AFG2A: variants seen among roughly 807,000 people sequenced by gnomAD.
AFG2A encodes AAA ATPase AFG2A.
At chr4:123,206,311 G>A in the AFG2A span, among the ~76,000 whole-genome samples, 2 of 151,944 alleles carry the variant, frequency 1.3e-5, no homozygotes, top group South Asian at 2.1e-4. Context: ...GACATATATT[G>A]CCTGAGTTAT....
At chr4:123,049,610 T>A in the AFG2A span, among the ~76,000 whole-genome samples, 4 of 152,108 alleles carry the variant, frequency 2.6e-5, no homozygotes. Flanking sequence ...TTTTCCCATT[T>A]GTTGGAGTAT....
the AFG2A span, among the ~76,000 whole-genome samples, chr4:123,228,272 C>T: frequency 6.6e-6 from 1 of 151,324 alleles, no homozygotes; most frequent in Non-Finnish European, 1.5e-5. Flanking sequence ...ATGATGTTAG[C>T]TGGTTATTTT....
chr4:123,145,197 T>C, the AFG2A span, among the ~76,000 whole-genome samples: 1 of 152,062 alleles, frequency 6.6e-6, no homozygotes, highest in Non-Finnish European at 1.5e-5. Flanking sequence ...ATTTTTCAAT[T>C]TGGAGAATAA....
At chr4:122,971,282 C>G in the AFG2A span, among the ~76,000 whole-genome samples, 5 of 152,050 alleles carry the variant, frequency 3.3e-5, no homozygotes, top group Non-Finnish European at 7.4e-5. Context: ...TGGTATGCAC[C>G]TGTAGTCCCA....
chr4:123,026,127 G>GTA, the AFG2A span, among the ~76,000 whole-genome samples: 1 of 151,318 alleles, frequency 6.6e-6, no homozygotes, highest in South Asian at 2.1e-4. Context: ...GTGTGTGTGT[G>GTA]TGTGTGTGTA....
chr4:123,035,654 C>A, the AFG2A span, among the ~76,000 whole-genome samples: 1 of 151,936 alleles, frequency 6.6e-6, no homozygotes, highest in Admixed American at 6.6e-5. Context: ...AAAGTTGTGG[C>A]ATCATATGTT....
chr4:123,098,037 T>C, the AFG2A span, among the ~76,000 whole-genome samples: 1 of 152,206 alleles, frequency 6.6e-6, no homozygotes, highest in Admixed American at 6.5e-5. Flanking sequence ...GTTTTGTCTG[T>C]TACTCCTTTT....
chr4:123,247,748 C>G, the AFG2A span, among the ~76,000 whole-genome samples: 1 of 152,066 alleles, frequency 6.6e-6, no homozygotes. Flanking sequence ...ATTTTGATCT[C>G]TAACACATTC....
At chr4:122,951,107 A>G in the AFG2A span, among the ~76,000 whole-genome samples, 2 of 150,412 alleles carry the variant, frequency 1.3e-5, no homozygotes, top group African/African-American at 2.4e-5. Context: ...GGGGATCCAC[A>G]TGGTAGATCA....
the AFG2A span, among the ~76,000 whole-genome samples, chr4:123,048,263 T>C: frequency 5.5e-4 from 84 of 152,282 alleles, 1 homozygote; most frequent in Admixed American, 1.0e-3. Context: ...TTACTGTAGC[T>C]TTGTAGTATA....
the AFG2A span, among the ~76,000 whole-genome samples, chr4:122,924,232 C>T: frequency 7.2e-5 from 11 of 152,134 alleles, no homozygotes; most frequent in Non-Finnish European, 4.4e-5. Context: ...ATTTCTCTTC[C>T]ATCTTAAATC....
At chr4:122,961,134 T>C in the AFG2A span, among the ~76,000 whole-genome samples, 1 of 152,228 alleles carries the variant, frequency 6.6e-6, no homozygotes, top group African/African-American at 2.4e-5. Flanking sequence ...TATATGGTTT[T>C]AAGAGTTCTT....
the AFG2A span, among the ~76,000 whole-genome samples, chr4:122,985,006 T>C: frequency 2.0e-5 from 3 of 152,144 alleles, no homozygotes; most frequent in Admixed American, 6.5e-5. Flanking sequence ...TTCTCTGTCT[T>C]GTGGAGTAGT....
the AFG2A span, among the ~76,000 whole-genome samples, chr4:123,173,757 CA>C: frequency 9.2e-5 from 14 of 151,470 alleles, no homozygotes; most frequent in East Asian, 2.7e-3. Context: ...ATGTAATAGG[CA>C]AAAAAATTAT....
At chr4:123,232,891 A>G in the AFG2A span, among the ~76,000 whole-genome samples, 1 of 152,112 alleles carries the variant, frequency 6.6e-6, no homozygotes, top group East Asian at 1.9e-4. Context: ...AATTCTTAGC[A>G]TCACAATGAA....
chr4:123,157,449 T>C, the AFG2A span, among the ~76,000 whole-genome samples: 3 of 152,222 alleles, frequency 2.0e-5, no homozygotes. Context: ...TTTACATTGG[T>C]TTCTATGTGA....
At chr4:123,257,537 TAA>T in the AFG2A span, among the ~76,000 whole-genome samples, 1 of 152,220 alleles carries the variant, frequency 6.6e-6, no homozygotes, top group African/African-American at 2.4e-5. Context: ...TCCACTGGAA[TAA>T]AAAGCCATGT....
chr4:123,092,236 C>T, the AFG2A span, among the ~76,000 whole-genome samples: 1 of 152,162 alleles, frequency 6.6e-6, no homozygotes, highest in Non-Finnish European at 1.5e-5. Context: ...TAAAGTTTAC[C>T]TAATTCTGCC....
chr4:122,946,203 T>G, the AFG2A span, among the ~76,000 whole-genome samples: 1 of 152,246 alleles, frequency 6.6e-6, no homozygotes, highest in Non-Finnish European at 1.5e-5. Flanking sequence ...ATTTTCACCT[T>G]GATGGCAAAT....
Sources: gnomAD v4.1 joint callset for allele counts (sites outside exome capture counted in the v4.1 genomes callset) on GRCh38, gnomAD v4.1.1 for gene constraint, MANE v1.5 for transcripts, NCBI Gene and HGNC (gene_info 2026-07-23, HGNC 2026-07-21) for gene names.